Variants in LRP1B observed in about 807,000 individuals in gnomAD.
LRP1B encodes LDL receptor related protein 1B.
In LRP1B, 217 loss-of-function variants were observed where a neutral mutation model predicts 556.6. That is an observed-to-expected ratio of 0.39 (90% CI 0.35 to 0.44). The LOEUF is 0.44. Among genes scored for constraint, LRP1B ranks in the 20% least tolerant of loss-of-function variants. The pLI is 1.00. For synonymous variants in LRP1B, 2,047 were observed against 1,865.8 expected (o/e 1.10, Z -2.50); for missense variants, 5,053 against 5,620.8 (o/e 0.90, Z 3.23).
chr2:140,256,326 A>T (rs1681675165), intron 86 of LRP1B, among the ~76,000 whole-genome samples: 3 of 151,678 alleles, frequency 2.0e-5, no homozygotes, highest in African/African-American at 7.3e-5. Flanking sequence ...TGCATCACAC[A>T]TTGCACTCAG....
At chr2:142,052,198 TC>T (rs920018470) in intron 1 of LRP1B, among the ~76,000 whole-genome samples, 1 of 151,592 alleles carries the variant, frequency 6.6e-6, no homozygotes, top group Non-Finnish European at 1.5e-5. Context: ...CTCAAAAACG[TC>T]TACCTGAGTA....
intron 5 of LRP1B, among the ~76,000 whole-genome samples, chr2:141,243,474 T>A (rs552985220): frequency 6.6e-6 from 1 of 152,168 alleles, no homozygotes; most frequent in South Asian, 2.1e-4. Flanking sequence ...AGTGTGAGAC[T>A]ACATCTCTTA....
chr2:141,188,684 A>G, intron 6 of LRP1B, 101 bp from the exon 7 acceptor site: 1 of 974,362 alleles, frequency 1.0e-6, no homozygotes, highest in South Asian at 1.7e-5. Flanking sequence ...AGGACATTTC[A>G]AAAGTATAGA....
At chr2:140,678,771 T>C (rs78052657) in intron 41 of LRP1B, among the ~76,000 whole-genome samples, 1 of 6,276 alleles carries the variant, frequency 1.6e-4, no homozygotes, top group African/African-American at 3.1e-4. Context: ...TCAATCTCCC[T>C]TTTTTTTTTT....
chr2:141,535,015 G>C (rs777663865), intron 2 of LRP1B, among the ~76,000 whole-genome samples: 4 of 152,066 alleles, frequency 2.6e-5, no homozygotes, highest in Non-Finnish European at 5.9e-5. Context: ...TTAAGGCCTG[G>C]GTTGTTTTTA....
At chr2:140,271,668 T>C (rs933195557) in intron 85 of LRP1B, among the ~76,000 whole-genome samples, 4 of 151,946 alleles carry the variant, frequency 2.6e-5, no homozygotes, top group Non-Finnish European at 5.9e-5. Context: ...TGTAACTATG[T>C]ACAAGATGTG....
Position 140,881,253 on chromosome 2 carries a change from A to AGTGTGTGT in LRP1B, c.4169+2556_4169+2563dup, listed in dbSNP as rs3063611. On this transcript the variant is annotated intron_variant, in intron 25 of 90. Transcript: ENST00000389484. The stretch of plus-strand genomic sequence containing the variant: ...TTGTGCTTGGCTTGGCTTTGCTGTA[A>AGTGTGTGT]GTGTGTGTGTGTGTGTGTGTGTGCG... 3.4e-3 allele frequency among the ~76,000 whole-genome samples: 510 copies of AGTGTGTGT among 149,128 alleles called. 19 individuals carry two copies. The East Asian group carries it at 0.082, about 24-fold the overall frequency.
In LRP1B at chr2:141,406,370, T is replaced by C. The variant is rs1690633176; in HGVS notation, c.343+74026A>G. 2.6e-5 allele frequency among the ~76,000 whole-genome samples: 4 copies of C among 152,182 alleles called. 1 individual carries two copies. In the South Asian group the frequency reaches 8.3e-4, roughly 32 times the overall value. ...AGAATGAAAGAAGGTTCTTAAAATC[T>C]GGTTGGGATAACATAAACTGGGCCT... On this transcript the variant is annotated intron_variant, in intron 3 of 90. Transcript: ENST00000389484.
chr2:141,059,492 C>A (rs1699278871), intron 8 of LRP1B, among the ~76,000 whole-genome samples: 1 of 151,716 alleles, frequency 6.6e-6, no homozygotes, highest in Non-Finnish European at 1.5e-5. Context: ...TGAGAAAGCA[C>A]CTCCGAAGAT....
In LRP1B at chr2:140,754,852, AAC is replaced by A. The variant is rs1688692249; in HGVS notation, c.5758+14359_5758+14360del. 2.0e-5 allele frequency among the ~76,000 whole-genome samples: 3 copies of A among 152,022 alleles called. No individual in the cohort carries two copies. The South Asian group carries it at 6.2e-4, about 32-fold the overall frequency. ...TTTTAAAAATACAGAGAGGAAAAAC[AAC>A]AGAAAATACTAACAAAATCAAAAGT... is the stretch of plus-strand genomic sequence containing the variant. On this transcript the variant is annotated intron_variant, in intron 35 of 90. Transcript: ENST00000389484.
intron 2 of LRP1B, among the ~76,000 whole-genome samples, chr2:141,779,559 G>A (rs1695179721): frequency 6.6e-6 from 1 of 151,400 alleles, no homozygotes; most frequent in South Asian, 2.1e-4. Context: ...TGGAATTATA[G>A]GCGCCCACCA....
At chr2:140,799,277 G>A (rs1180621766) in intron 32 of LRP1B, among the ~76,000 whole-genome samples, 2 of 152,006 alleles carry the variant, frequency 1.3e-5, no homozygotes, top group Non-Finnish European at 2.9e-5. Context: ...TTTAGATGAG[G>A]TCATGAGTAT....
chr2:141,570,813 T>C (rs1180145440), intron 2 of LRP1B, among the ~76,000 whole-genome samples: 2 of 151,312 alleles, frequency 1.3e-5, no homozygotes, highest in African/African-American at 4.8e-5. Flanking sequence ...TCTTCAGGCC[T>C]GACCCGGACC....
intron 60 of LRP1B, among the ~76,000 whole-genome samples, chr2:140,474,421 A>G (rs1021484022): frequency 4.0e-5 from 6 of 151,808 alleles, no homozygotes; most frequent in Admixed American, 1.3e-4. Context: ...TTTATTTGGG[A>G]CCTCGCTTTG....
At chr2:141,875,066 T>C (rs1250700273) in intron 1 of LRP1B, among the ~76,000 whole-genome samples, 1 of 151,838 alleles carries the variant, frequency 6.6e-6, no homozygotes, top group Non-Finnish European at 1.5e-5. Flanking sequence ...ATATTTATAA[T>C]ATGTCATTTT....
At chr2:140,641,360 G>A (rs990682861) in intron 41 of LRP1B, among the ~76,000 whole-genome samples, 1 of 152,046 alleles carries the variant, frequency 6.6e-6, no homozygotes, top group African/African-American at 2.4e-5. Flanking sequence ...AGAATAACAA[G>A]GTTTTACTTT....
At chr2:140,920,479 C>G (rs1694706628) in intron 21 of LRP1B, among the ~76,000 whole-genome samples, 1 of 151,884 alleles carries the variant, frequency 6.6e-6, no homozygotes, top group Non-Finnish European at 1.5e-5. Flanking sequence ...TAATCATGAA[C>G]TTTGGATTAA....
intron 62 of LRP1B, among the ~76,000 whole-genome samples, chr2:140,455,855 T>C (rs1287208091): frequency 6.6e-6 from 1 of 152,198 alleles, no homozygotes; most frequent in Non-Finnish European, 1.5e-5. Context: ...GGCTCACGTG[T>C]TACAAAGTAC....
rs1349520609 is a variant in LRP1B, at chr2:140,913,439, C to T, written c.3320-5362G>A. Among the ~76,000 whole-genome samples, 3 of 152,048 alleles carry T rather than the reference C, an allele frequency of 2.0e-5. No homozygotes were observed. In the East Asian group the frequency reaches 5.8e-4, roughly 29 times the overall value. On this transcript the variant is annotated intron_variant, in intron 21 of 90. Transcript: ENST00000389484. ...AGGATGAGAAACAAGCTTTACCAAACTATTCTTTTGAACAGCGTTTTGAAG... is the reference window on the plus strand; with the variant it reads ...AGGATGAGAAACAAGCTTTACCAAATTATTCTTTTGAACAGCGTTTTGAAG...
Sources: gnomAD v4.1 joint callset for allele counts (sites outside exome capture counted in the v4.1 genomes callset) on GRCh38, gnomAD v4.1.1 for gene constraint, MANE v1.5 for transcripts, NCBI Gene and HGNC (gene_info 2026-07-23, HGNC 2026-07-21) for gene names.